SEC22C: variants seen among roughly 807,000 people sequenced by gnomAD.
SEC22C encodes the protein SEC22 homolog C, vesicle trafficking protein.
In SEC22C, 29 loss-of-function variants were observed where a neutral mutation model predicts 34.7. That is an observed-to-expected ratio of 0.84 (90% CI 0.62 to 1.14). The LOEUF (loss-of-function observed/expected upper bound fraction) is 1.14, where lower values mean the gene tolerates loss of function less well. Ranked by LOEUF, SEC22C falls within the 50% of genes most tolerant of loss-of-function variation. The pLI is 0.00. For synonymous variants in SEC22C, 117 were observed against 132.8 expected (o/e 0.88, Z 0.82); for missense variants, 337 against 369.0 (o/e 0.91, Z 0.71).
chr3:42,556,021 G>A, intron 5 of SEC22C, 26 bp from the exon 6 acceptor site: 1 of 1,571,896 alleles, frequency 6.4e-7, no homozygotes, highest in Non-Finnish European at 8.7e-7. Context: ...GGAACACAAG[G>A]AAAGGGATAT....
In SEC22C at chr3:42,550,425, C is replaced by T; in HGVS notation, c.*2823G>A. 1.0e-6 allele frequency: 1 copy of T among 985,432 alleles called. No individual in the cohort carries two copies. The highest frequency in any genetic ancestry group is 1.2e-6 in the Non-Finnish European group (1 of 829,950). The allele number at this position is 985,432 out of a possible 1,614,324, so 61.0% of individuals were successfully genotyped here. ...CACACAAGAGGCTATAAACCTCCAACCCTGAACCAAGTCAAACCTAAGCCT... is the reference window on the plus strand; with the variant it reads ...CACACAAGAGGCTATAAACCTCCAATCCTGAACCAAGTCAAACCTAAGCCT... On this transcript the variant is annotated 3_prime_UTR_variant, in exon 7 of 7. Coordinates refer to ENST00000264454, the MANE Select transcript of SEC22C (RefSeq NM_032970.4).
At chr3:42,565,593 A>G (rs990451933) in intron 2 of SEC22C, among the ~76,000 whole-genome samples, 2 of 152,212 alleles carry the variant, frequency 1.3e-5, no homozygotes, top group Non-Finnish European at 2.9e-5. Context: ...GTATCCTTAT[A>G]TGAAAGGAAA....
chr3:42,594,327 A>G, intron 1 of SEC22C: 1 of 869,848 alleles, frequency 1.1e-6, no homozygotes, highest in African/African-American at 1.7e-5. Flanking sequence ...TCAGTGGATG[A>G]GCCATTCCAC....
intron 3 of SEC22C, among the ~76,000 whole-genome samples, chr3:42,563,190 A>C (rs920927436): frequency 3.3e-4 from 50 of 152,364 alleles, no homozygotes; most frequent in Non-Finnish European, 6.8e-4. Flanking sequence ...AAGCATAGCC[A>C]CGTTCTGCTT....
intron 1 of SEC22C, among the ~76,000 whole-genome samples, chr3:42,569,542 C>G (rs1042360489): frequency 3.3e-5 from 5 of 152,170 alleles, no homozygotes; most frequent in African/African-American, 4.8e-5. Context: ...GTTTAGCTGC[C>G]ATATCCTCAC....
chr3:42,591,580 GC>G, intron 1 of SEC22C: 1 of 1,613,906 alleles, frequency 6.2e-7, no homozygotes, highest in Non-Finnish European at 8.5e-7. Flanking sequence ...CAGAACAAGG[GC>G]CGCGGGAACG....
chr3:42,557,837 G>C, intron 4 of SEC22C, 141 bp from the exon 5 acceptor site: 1 of 487,248 alleles, frequency 2.1e-6, no homozygotes, highest in Admixed American at 3.7e-5. Flanking sequence ...AATTGTAAAA[G>C]CAGCAGAAGT....
Position 42,549,643 on chromosome 3 carries a change from C to T in SEC22C, c.*3605G>A, listed in dbSNP as rs1175942854. 4 of 985,292 alleles carry T rather than the reference C, an allele frequency of 4.1e-6. No homozygotes were observed. The highest frequency in any genetic ancestry group is 1.1e-4 in the East Asian group (1 of 8,810). 61.0% of individuals were successfully genotyped at this position (985,292 alleles called of 1,614,324 possible). ...TGCAATCTGCTCCCACTCTGAAGCT[C>T]GTCTACCCACCCCATTTGTTACAAT... On this transcript the variant is annotated 3_prime_UTR_variant, in exon 7 of 7. Transcript: ENST00000264454.
chr3:42,568,977 A>C lies in SEC22C; in HGVS notation c.70T>G (p.Phe24Val). ...TCCAAAAAATCTTGGGTGTGGTAAA[A>C]ATCAGTAGAGGCTGAGAGGGGCAGT... ...DGLPLSASTD[F>V]YHTQDFLEWR... Residue 24 changes from phenylalanine (F) to valine (V), a missense_variant, in exon 2 of 7, where the codon TTT becomes GTT. Physicochemically the swap from Phe to Val is conservative, Grantham distance 50. Transcript: ENST00000264454. 2 of 1,614,118 alleles carry C rather than the reference A, an allele frequency of 1.2e-6. No homozygotes were observed. The highest frequency in any genetic ancestry group is 1.7e-6 in the Non-Finnish European group (2 of 1,180,018).
In SEC22C at chr3:42,581,921, G is replaced by C. The variant is rs1006704629; in HGVS notation, c.-103C>G. On this transcript the variant is annotated 5_prime_UTR_variant, in exon 1 of 7. Transcript: ENST00000264454. ...CCTCCTCAGCAATCTTAGCCGACCG[G>C]GAGGGCTCGGCCCAGGTCACCGGCA... is the stretch of plus-strand genomic sequence containing the variant. The C allele has an allele frequency of 3.9e-5, 6 of 152,326 alleles. No homozygotes were observed. Among genetic ancestry groups the C allele is most frequent in the African/African-American group, 1.2e-4 (5 of 41,470 alleles). The allele number at this position is 152,326 out of a possible 1,614,324, so 9.4% of individuals were successfully genotyped here.
chr3:42,588,442 T>A (rs116181293), intron 1 of SEC22C, among the ~76,000 whole-genome samples: 2,475 of 152,166 alleles, frequency 0.016, 29 homozygotes, highest in Middle Eastern at 0.027. Context: ...TTCACTTTAT[T>A]CCTCAAAACA....
intron 2 of SEC22C, among the ~76,000 whole-genome samples, chr3:42,568,650 G>GAA (rs56182942): frequency 5.2e-4 from 50 of 96,526 alleles, no homozygotes; most frequent in Non-Finnish European, 5.9e-4. Flanking sequence ...TGCCTCAAAA[G>GAA]AAAAAAAAAA....
chr3:42,583,580 C>T (rs1704505936), upstream of SEC22C, among the ~76,000 whole-genome samples: 1 of 152,126 alleles, frequency 6.6e-6, no homozygotes, highest in African/African-American at 2.4e-5. Context: ...AGATGTCAAC[C>T]TGACTAGGTT....
In SEC22C at chr3:42,552,710, C is replaced by T. The variant is rs977150364; in HGVS notation, c.*538G>A. ...ATAATTAAATATTCCAAAGGTATAT[C>T]GAACCTAAGATATTGAAAAAATGTA... is the stretch of plus-strand genomic sequence containing the variant. On this transcript the variant is annotated 3_prime_UTR_variant, in exon 7 of 7. Transcript: ENST00000264454. The T allele has an allele frequency of 2.0e-4, 193 of 979,146 alleles. No individual in the cohort carries two copies. Among genetic ancestry groups the T allele is most frequent in the Admixed American group, 2.5e-4 (4 of 16,244 alleles). 60.7% of individuals were successfully genotyped at this position (979,146 alleles called of 1,614,324 possible). A position where few individuals can be genotyped will look rare whatever the true frequency, so the allele number is the denominator to read the frequency against.
chr3:42,562,501 T>C (rs1386905632), intron 3 of SEC22C, among the ~76,000 whole-genome samples: 1 of 152,214 alleles, frequency 6.6e-6, no homozygotes, highest in Non-Finnish European at 1.5e-5. Flanking sequence ...AAGAGGGTGC[T>C]AGCCCCATTC....
chr3:42,587,642 A>AAG (rs1704662002), intron 1 of SEC22C: 1 of 151,996 alleles, frequency 6.6e-6, no homozygotes, highest in African/African-American at 2.4e-5. Flanking sequence ...AAGCTGAGGC[A>AAG]GGAGAATGGC....
At chr3:42,584,926 G>A (rs1243080870), upstream of SEC22C, among the ~76,000 whole-genome samples, 1 of 151,776 alleles carries the variant, frequency 6.6e-6, no homozygotes, top group Non-Finnish European at 1.5e-5. Context: ...ACGAGGTCAG[G>A]GACCAGCCTG....
intron 1 of SEC22C, chr3:42,573,669 T>C (rs1454990374): frequency 6.6e-6 from 1 of 152,060 alleles, no homozygotes; most frequent in Non-Finnish European, 1.5e-5. Context: ...CCCCCATCTG[T>C]ATGAAAATAA....
chr3:42,568,813 A>G, intron 2 of SEC22C, 52 bp downstream of exon 2: 1 of 1,508,122 alleles, frequency 6.6e-7, no homozygotes, highest in Non-Finnish European at 9.2e-7. Context: ...CATGTAGTTA[A>G]AAGTAATCCA....
Sources: allele counts gnomAD v4.1 joint callset (sites outside exome capture counted in the v4.1 genomes callset), GRCh38; gene constraint gnomAD v4.1.1; transcripts MANE v1.5; gene names NCBI Gene and HGNC (gene_info 2026-07-23, HGNC 2026-07-21).